Variants in ARL15 observed in about 807,000 individuals in gnomAD.
ARL15 encodes the protein ARF like GTPase 15.
Under a neutral mutation model 25.2 loss-of-function variants are expected in ARL15, and 19 were observed. The observed-to-expected ratio is 0.75, with a 90% CI of 0.53 to 1.10. The LOEUF is 1.10. Among genes scored for constraint, ARL15 ranks in the 50% least tolerant of loss-of-function variants. The pLI, the probability that ARL15 is intolerant of heterozygous loss-of-function variation, is 0.00. For missense variants in ARL15, 220 were observed against 246.0 expected, an observed-to-expected ratio of 0.89 and a Z score of 0.71; for synonymous variants, 94 against 86.8, an observed-to-expected ratio of 1.08 and a Z score of -0.46.
In ARL15 at chr5:54,058,548, C is replaced by A. The variant is rs115792578; in HGVS notation, c.462+54654G>T. Among the ~76,000 whole-genome samples, 534 of 152,260 alleles carry A rather than the reference C, an allele frequency of 3.5e-3. 3 individuals are homozygous for A. Among genetic ancestry groups the A allele is most frequent in the African/African-American group, 0.012 (514 of 41,536 alleles). ...ATATGTAATATGTGAGAAGGAAATA[C>A]GTGCTATGAAGAAAGTCTTGAAGAC... On this transcript the variant is annotated intron_variant, in intron 4 of 4. Coordinates refer to ENST00000504924, the MANE Select transcript of ARL15 (RefSeq NM_019087.3).
At chr5:53,946,455 G>GAA (rs55727717) in intron 4 of ARL15, among the ~76,000 whole-genome samples, 790 of 43,710 alleles carry the variant, frequency 0.018, 19 homozygotes, top group African/African-American at 0.031. Flanking sequence ...GTCTCAAGAG[G>GAA]AAAAAAAAAA....
chr5:53,967,740 T>G (rs770057784), intron 4 of ARL15, among the ~76,000 whole-genome samples: 1 of 152,048 alleles, frequency 6.6e-6, no homozygotes, highest in African/African-American at 2.4e-5. Context: ...TGTGGTCATG[T>G]TGAGAGATTT....
intron 4 of ARL15, among the ~76,000 whole-genome samples, chr5:54,025,039 T>C (rs886799666): frequency 6.6e-6 from 1 of 152,216 alleles, no homozygotes; most frequent in Admixed American, 6.5e-5. Context: ...TAACATAAAT[T>C]TTCCACTTTT....
chr5:54,246,037 G>T (rs767273236), intron 1 of ARL15, among the ~76,000 whole-genome samples: 11 of 152,076 alleles, frequency 7.2e-5, no homozygotes, highest in South Asian at 2.1e-4. Context: ...CCACCCAGGG[G>T]AAGTGTCATT....
chr5:54,051,331 C>A (rs1303007614), intron 4 of ARL15, among the ~76,000 whole-genome samples: 1 of 152,162 alleles, frequency 6.6e-6, no homozygotes, highest in Non-Finnish European at 1.5e-5. Context: ...AGTACCAAGG[C>A]TGGAGTTTGA....
chr5:54,080,283 A>T (rs1266829111), intron 4 of ARL15, among the ~76,000 whole-genome samples: 3 of 152,218 alleles, frequency 2.0e-5, no homozygotes, highest in African/African-American at 7.2e-5. Context: ...AGTTGAAAGG[A>T]TTAGAGACAG....
At chr5:54,157,201 A>C (rs1322749407) in intron 2 of ARL15, among the ~76,000 whole-genome samples, 3 of 152,204 alleles carry the variant, frequency 2.0e-5, no homozygotes, top group African/African-American at 7.2e-5. Context: ...TGATTCTTAA[A>C]AGCTGACAAT....
At chr5:53,893,010 T>C (rs1258531710) in intron 4 of ARL15, among the ~76,000 whole-genome samples, 1 of 152,166 alleles carries the variant, frequency 6.6e-6, no homozygotes, top group African/African-American at 2.4e-5. Flanking sequence ...TTTTCCATGA[T>C]TGTTACAAAA....
chr5:54,029,868 G>T (rs1045216242), intron 4 of ARL15, among the ~76,000 whole-genome samples: 6 of 151,882 alleles, frequency 4.0e-5, no homozygotes, highest in Admixed American at 6.6e-5. Flanking sequence ...ATAGTGGCGG[G>T]TGCCTGTAGT....
At chr5:54,003,890 T>G (rs1387357992) in intron 4 of ARL15, among the ~76,000 whole-genome samples, 1 of 152,182 alleles carries the variant, frequency 6.6e-6, no homozygotes, top group Admixed American at 6.6e-5. Flanking sequence ...GTCAGTAACT[T>G]TAAACACAAG....
chr5:54,107,576 C>T (rs932082883), intron 4 of ARL15, among the ~76,000 whole-genome samples: 2 of 151,930 alleles, frequency 1.3e-5, no homozygotes, highest in African/African-American at 2.4e-5. Context: ...TTAGGAAACT[C>T]TGAGAAGCAC....
At chr5:54,155,931 C>T (rs1754220519) in intron 2 of ARL15, among the ~76,000 whole-genome samples, 1 of 152,056 alleles carries the variant, frequency 6.6e-6, no homozygotes, top group African/African-American at 2.4e-5. Context: ...AACCATTCTA[C>T]TTAAGGTTTT....
intron 4 of ARL15, among the ~76,000 whole-genome samples, chr5:54,020,571 A>C (rs1749566353): frequency 6.6e-6 from 1 of 152,216 alleles, no homozygotes; most frequent in Non-Finnish European, 1.5e-5. Context: ...GATCCATCCA[A>C]AATTTCATGA....
intron 4 of ARL15, among the ~76,000 whole-genome samples, chr5:53,926,961 A>T (rs953256266): frequency 4.6e-5 from 7 of 151,670 alleles, no homozygotes; most frequent in African/African-American, 1.5e-4. Flanking sequence ...AAAAAAAAAA[A>T]TAAAGTCCAA....
intron 4 of ARL15, among the ~76,000 whole-genome samples, chr5:53,943,188 ACT>A: frequency 6.6e-6 from 1 of 152,120 alleles, no homozygotes; most frequent in South Asian, 2.1e-4. Context: ...TAATTTTAAC[ACT>A]CTGTATCCTG....
chr5:54,144,316 T>C (rs1272650767), intron 3 of ARL15, among the ~76,000 whole-genome samples: 7 of 152,158 alleles, frequency 4.6e-5, no homozygotes, highest in African/African-American at 1.7e-4. Context: ...TCTGTAACTA[T>C]TCTCTATGTC....
chr5:54,306,115 A>G (rs1758747924), intron 1 of ARL15, among the ~76,000 whole-genome samples: 1 of 152,196 alleles, frequency 6.6e-6, no homozygotes, highest in Non-Finnish European at 1.5e-5. Flanking sequence ...AGGATATTAC[A>G]GCTGAGGGTT....
chr5:54,162,471 C>T (rs1424456034), intron 2 of ARL15, among the ~76,000 whole-genome samples: 1 of 152,108 alleles, frequency 6.6e-6, no homozygotes, highest in African/African-American at 2.4e-5. Flanking sequence ...CTCTTATCAG[C>T]GCCTCTCAGC....
intron 4 of ARL15, among the ~76,000 whole-genome samples, chr5:54,087,703 C>T (rs1256073174): frequency 3.5e-5 from 1 of 28,660 alleles, no homozygotes; most frequent in Admixed American, 5.2e-4. Flanking sequence ...AGTAACACTG[C>T]TACATCTACA....
Sources: gnomAD v4.1 joint callset for allele counts (sites outside exome capture counted in the v4.1 genomes callset) on GRCh38, gnomAD v4.1.1 for gene constraint, MANE v1.5 for transcripts, NCBI Gene and HGNC (gene_info 2026-07-23, HGNC 2026-07-21) for gene names.